Variants in TMEM63A observed in about 807,000 individuals in gnomAD.
The protein encoded by TMEM63A is transmembrane protein 63A, also known as mechanosensitive cation channel TMEM63A.
TMEM63A carries 76 observed loss-of-function variants against 100.6 expected under a neutral mutation model. That is an observed-to-expected ratio of 0.76 (90% CI 0.63 to 0.91). TMEM63A has a LOEUF of 0.91. TMEM63A is among the 40% of genes least tolerant of loss of function. The probability of loss-of-function intolerance (pLI) is 0.00; values close to 1 mark genes in which losing one functional copy is unlikely to be tolerated. For missense variants in TMEM63A, 876 were observed against 1,008.8 expected, an observed-to-expected ratio of 0.87 and a Z score of 1.78; for synonymous variants, 401 against 401.1, an observed-to-expected ratio of 1.00 and a Z score of 0.00.
At chr1:225,878,881 TACCTACACACACACACAC>T (rs1362526678) in intron 2 of TMEM63A, among the ~76,000 whole-genome samples, 1 of 89,000 alleles carries the variant, frequency 1.1e-5, no homozygotes, top group Non-Finnish European at 2.2e-5. Flanking sequence ...CCTACCTACC[TACCTACACACACACACAC>T]ACACACACAC....
chr1:225,870,656 G>A (rs1670467186), intron 6 of TMEM63A, among the ~76,000 whole-genome samples: 1 of 152,124 alleles, frequency 6.6e-6, no homozygotes, highest in South Asian at 2.1e-4. Context: ...ACATCTAATT[G>A]GTGTTAAATA....
chr1:225,851,900 G>A (rs1669359574), intron 20 of TMEM63A, among the ~76,000 whole-genome samples: 1 of 152,234 alleles, frequency 6.6e-6, no homozygotes, highest in Non-Finnish European at 1.5e-5. Context: ...AAACAGTCCT[G>A]AGTTCAAAGG....
Position 225,866,749 on chromosome 1 carries a change from G to A in TMEM63A, c.567-67C>T, listed in dbSNP as rs1014775003. ...CAGGGAGCTGGGGGTGCAGAGCTGG[G>A]GCCTGGTTACCCTCAGTGGGCACTG... is the stretch of plus-strand genomic sequence containing the variant. On this transcript the variant is annotated intron_variant, in intron 8 of 24. Transcript: ENST00000366835. 4 of 1,467,908 alleles carry A rather than the reference G, an allele frequency of 2.7e-6. No individual in the cohort carries two copies. In the African/African-American group the frequency reaches 5.5e-5, roughly 20 times the overall value. The allele number at this position is 1,467,908 out of a possible 1,614,324, so 90.9% of individuals were successfully genotyped here. A position where few individuals can be genotyped will look rare whatever the true frequency, so the allele number is the denominator to read the frequency against.
Position 225,867,261 on chromosome 1 carries a change from A to T in TMEM63A, c.515-98T>A. The T allele has an allele frequency of 8.1e-7, 1 of 1,233,610 alleles. No homozygotes were observed. Among genetic ancestry groups the T allele is most frequent in the Non-Finnish European group, 1.2e-6 (1 of 835,268 alleles). 76.4% of individuals were successfully genotyped at this position (1,233,610 alleles called of 1,614,324 possible). On this transcript the variant is annotated intron_variant, in intron 7 of 24. Coordinates refer to ENST00000366835, the MANE Select transcript of TMEM63A (RefSeq NM_014698.3). This position sits in a 1 kb window ranked among gnomAD's most constrained non-coding sequence, Gnocchi z 4.6. ...GGTTTGTGGAGCTCTGGGGAGGAGG[A>T]GCATGTCTGGACCAGCAGGAAGACA...
downstream of TMEM63A, chr1:225,844,441 T>G: frequency 6.2e-7 from 1 of 1,613,526 alleles, no homozygotes. Context: ...CTGGCTGCCC[T>G]TTGTCACACA....
intron 17 of TMEM63A, 80 bp from the exon 18 acceptor site, chr1:225,856,020 T>C: frequency 6.8e-7 from 1 of 1,468,448 alleles, no homozygotes; most frequent in East Asian, 2.3e-5. Flanking sequence ...TTTCTTTTGC[T>C]CTAAAAACAG....
chr1:225,844,421 G>T, downstream of TMEM63A: 2 of 1,611,800 alleles, frequency 1.2e-6, no homozygotes, highest in Middle Eastern at 1.7e-4. Flanking sequence ...CCTGGCATTT[G>T]TAGGACTTTC....
downstream of TMEM63A, among the ~76,000 whole-genome samples, chr1:225,843,552 G>A (rs570031408): frequency 6.6e-6 from 1 of 152,288 alleles, no homozygotes; most frequent in East Asian, 1.9e-4. Context: ...CAGGGGGTCT[G>A]GCCTGCTCCT....
chr1:225,841,378 G>A (rs188679861), downstream of TMEM63A, among the ~76,000 whole-genome samples: 950 of 152,116 alleles, frequency 6.2e-3, 6 homozygotes, highest in Admixed American at 9.1e-3. Flanking sequence ...CGCCTCCCAG[G>A]TTCAAGCAAT....
downstream of TMEM63A, among the ~76,000 whole-genome samples, chr1:225,842,905 G>A (rs1668548684): frequency 6.6e-6 from 1 of 152,220 alleles, no homozygotes; most frequent in Non-Finnish European, 1.5e-5. Context: ...CAGAGCCTTA[G>A]AGGCTGTATC....
chr1:225,866,521 G>A lies in TMEM63A; in HGVS notation c.675+53C>T, dbSNP rs754308976. ...AGAGCCTGGGAGGCCCTTCCACTCC[G>A]ACTCCCACCTGAGTCCCTCCCAGCA... is the stretch of plus-strand genomic sequence containing the variant. On this transcript the variant is annotated intron_variant, in intron 9 of 24. Transcript: ENST00000366835. The A allele has an allele frequency of 2.4e-5, 37 of 1,546,174 alleles. No individual in the cohort carries two copies. The East Asian group carries it at 4.3e-4, about 18-fold the overall frequency.
rs939057864 is a variant in TMEM63A at position 225,856,574 on chromosome 1, G to A, written c.1571+78C>T. On this transcript the variant is annotated intron_variant, in intron 17 of 24. Coordinates refer to ENST00000366835, the MANE Select transcript of TMEM63A (RefSeq NM_014698.3). ...AGAGGTTTGCTTCTGCTGCCAAACC[G>A]TTTGCATTCTCCTGGGGACAGTGCT... The A allele has an allele frequency of 5.5e-5, 82 of 1,484,360 alleles. No homozygotes were observed. In the African/African-American group the frequency reaches 8.0e-4, roughly 15 times the overall value. The allele number at this position is 1,484,360 out of a possible 1,614,324, so 91.9% of individuals were successfully genotyped here.
chr1:225,845,176 T>G (rs780566723), downstream of TMEM63A: 1 of 1,614,160 alleles, frequency 6.2e-7, no homozygotes, highest in Non-Finnish European at 8.5e-7. Flanking sequence ...CTGGCTTCTC[T>G]GCCTTCCCTT....
chr1:225,850,447 T>C (rs953457216), intron 20 of TMEM63A, among the ~76,000 whole-genome samples: 1 of 152,228 alleles, frequency 6.6e-6, no homozygotes, highest in African/African-American at 2.4e-5. Context: ...AGGGTGCAGA[T>C]ACATAGGAAT....
intron 13 of TMEM63A, 174 bp from the exon 14 acceptor site, chr1:225,861,171 G>A: frequency 1.6e-6 from 1 of 618,910 alleles, no homozygotes; most frequent in Non-Finnish European, 2.5e-6. Flanking sequence ...ACAGTGTGTG[G>A]AGAATTTTGT....
At chr1:225,856,047 G>T in intron 17 of TMEM63A, 107 bp from the exon 18 acceptor site, 1 of 1,193,532 alleles carries the variant, frequency 8.4e-7, no homozygotes, top group Non-Finnish European at 1.2e-6. Flanking sequence ...GCTCGAGATT[G>T]ACTTTTGTTC....
At chr1:225,845,404 T>C, downstream of TMEM63A, 1 of 1,490,924 alleles carries the variant, frequency 6.7e-7, no homozygotes, top group Non-Finnish European at 9.0e-7. Flanking sequence ...CAGGCTTTTC[T>C]TGGGGAAGAT....
At chr1:225,873,477 G>A (rs569815200) in intron 4 of TMEM63A, among the ~76,000 whole-genome samples, 1 of 152,230 alleles carries the variant, frequency 6.6e-6, no homozygotes, top group African/African-American at 2.4e-5. Flanking sequence ...CCCCTCTGGG[G>A]CTCTGGGTGG....
chr1:225,867,871 G>C lies in TMEM63A; in HGVS notation c.514+17C>G. 6.2e-7 allele frequency: 1 copy of C among 1,614,026 alleles called. No homozygotes were observed. The highest frequency in any genetic ancestry group is 8.5e-7 in the Non-Finnish European group (1 of 1,179,986). On this transcript the variant is annotated intron_variant, in intron 7 of 24. Coordinates refer to ENST00000366835, the MANE Select transcript of TMEM63A (RefSeq NM_014698.3). The surrounding 1 kb of genome is among the most constrained non-coding windows in gnomAD (Gnocchi z 4.6). ...CTGCCCCATTACAACATAGACAAGGGTGAGGAGGGTCATTACCCAGCAAGT... is the reference window on the plus strand; with the variant it reads ...CTGCCCCATTACAACATAGACAAGGCTGAGGAGGGTCATTACCCAGCAAGT...
Sources: gnomAD v4.1 joint callset for allele counts (sites outside exome capture counted in the v4.1 genomes callset) on GRCh38, gnomAD v4.1.1 for gene constraint, Gnocchi (gnomAD v3.1) non-coding constraint, MANE v1.5 for transcripts, NCBI Gene and HGNC (gene_info 2026-07-23, HGNC 2026-07-21) for gene names.